CD8B2: variants seen among roughly 807,000 people sequenced by gnomAD.
The protein encoded by CD8B2 is CD8B family member 2, also known as T-cell surface glycoprotein CD8 beta-2 chain.
In CD8B2, 11 loss-of-function variants were observed where a neutral mutation model predicts 23.7. The ratio of observed to expected loss-of-function variants is 0.46; its 90% confidence interval spans 0.29 to 0.77. The LOEUF (loss-of-function observed/expected upper bound fraction) is 0.77. Among genes scored for constraint, CD8B2 ranks in the 30% least tolerant of loss-of-function variants. The probability of loss-of-function intolerance (pLI) is 0.09; values close to 1 mark genes in which losing one functional copy is unlikely to be tolerated. For missense variants in CD8B2, 197 were observed against 270.5 expected (o/e 0.73, Z 1.91); for synonymous variants, 90 against 109.3 (o/e 0.82, Z 1.10).
At chr2:106,540,045 G>A (rs542235694) in intron 5 of CD8B2, among the ~76,000 whole-genome samples, 159 of 152,214 alleles carry the variant, frequency 1.0e-3, no homozygotes, top group Middle Eastern at 3.4e-3. Context: ...AAGTTAGGGT[G>A]GATGTTATAT....
At chr2:106,534,750 A>T (rs1291365325) in intron 5 of CD8B2, among the ~76,000 whole-genome samples, 1 of 152,174 alleles carries the variant, frequency 6.6e-6, no homozygotes, top group Admixed American at 6.5e-5. Flanking sequence ...CTCCCTGGGG[A>T]GGTAGGAGCT....
chr2:106,494,339 G>A (rs1489151867), intron 2 of CD8B2, among the ~76,000 whole-genome samples: 2 of 152,042 alleles, frequency 1.3e-5, no homozygotes, highest in Admixed American at 6.6e-5. Flanking sequence ...GTAGAGACGG[G>A]GTTTTGCCAC....
downstream of CD8B2, among the ~76,000 whole-genome samples, chr2:106,512,483 G>A (rs920118957): frequency 1.5e-4 from 23 of 152,120 alleles, no homozygotes; most frequent in African/African-American, 5.6e-4. Context: ...GGGTGTGTGT[G>A]TGTGTGTACA....
At chr2:106,515,849 G>A (rs4999597), downstream of CD8B2, among the ~76,000 whole-genome samples, 149,191 of 151,560 alleles carry the variant, frequency 0.98, 73,466 homozygotes, top group East Asian at 1. Flanking sequence ...TTGAGATGGA[G>A]TCTTGCTCTG....
At chr2:106,520,667 G>A (rs1281775183) in intron 5 of CD8B2, among the ~76,000 whole-genome samples, 9 of 152,108 alleles carry the variant, frequency 5.9e-5, no homozygotes, top group South Asian at 2.1e-4. Flanking sequence ...CGAGGTGGGC[G>A]GATCACTTGA....
rs535768741 is a variant in CD8B2 at position 106,507,288 on chromosome 2, T to A, written c.*348T>A. On this transcript the variant is annotated 3_prime_UTR_variant, in exon 6 of 6. Transcript: ENST00000643224. ...GCCGTTTAGCCACCATCTTTGCAAG[T>A]TGCTTTGCCCTGGTAGGGCAGTAAC... 2.7e-5 allele frequency: 29 copies of A among 1,088,458 alleles called. No homozygotes were observed. The African/African-American group carries it at 4.3e-4, about 16-fold the overall frequency. 67.4% of individuals were successfully genotyped at this position (1,088,458 alleles called of 1,614,324 possible). A position where few individuals can be genotyped will look rare whatever the true frequency, so the allele number is the denominator to read the frequency against.
intron 5 of CD8B2, among the ~76,000 whole-genome samples, chr2:106,521,006 A>AC (rs1302827793): frequency 1.1e-4 from 17 of 148,912 alleles, no homozygotes; most frequent in African/African-American, 4.0e-4. Flanking sequence ...GCAAAAAAAA[A>AC]ATCATAATGT....
At position 106,507,664 on chromosome 2, in the gene CD8B2, A is replaced by T. The variant is rs1432972113; in HGVS notation, c.*724A>T. On this transcript the variant is annotated 3_prime_UTR_variant, in exon 6 of 6. Coordinates refer to ENST00000643224, the MANE Select transcript of CD8B2 (RefSeq NM_001349727.2). ...ATAAAGTCCCAGGTTAAAGATAACA[A>T]ACGGGTCCTGTGACATAAACGTACG... 2 of 956,638 alleles carry T rather than the reference A, an allele frequency of 2.1e-6. No homozygotes were observed. The highest frequency in any genetic ancestry group is 3.5e-5 in the African/African-American group (2 of 56,654). 59.3% of individuals were successfully genotyped at this position (956,638 alleles called of 1,614,324 possible). A position where few individuals can be genotyped will look rare whatever the true frequency, so the allele number is the denominator to read the frequency against.
In CD8B2 at chr2:106,507,414, G is replaced by A. The variant is rs1439610480; in HGVS notation, c.*474G>A. The A allele has an allele frequency of 2.0e-6, 2 of 986,206 alleles. No individual in the cohort carries two copies. Among genetic ancestry groups the A allele is most frequent in the East Asian group, 1.1e-4 (1 of 8,824 alleles). 61.1% of individuals were successfully genotyped at this position (986,206 alleles called of 1,614,324 possible). On this transcript the variant is annotated 3_prime_UTR_variant, in exon 6 of 6. Coordinates refer to ENST00000643224, the MANE Select transcript of CD8B2 (RefSeq NM_001349727.2). The stretch of plus-strand genomic sequence containing the variant: ...CTCGCAGAGAGGCCAGGTGCAGGTT[G>A]GGAATGAGGCTTGCTGAGAGGGGCT...
At chr2:106,530,462 T>A (rs1679976744) in intron 5 of CD8B2, among the ~76,000 whole-genome samples, 1 of 152,142 alleles carries the variant, frequency 6.6e-6, no homozygotes, top group African/African-American at 2.4e-5. Context: ...CACTGCAAGC[T>A]CCGCCTCCCG....
downstream of CD8B2, among the ~76,000 whole-genome samples, chr2:106,515,012 G>A (rs28438972): frequency 0.18 from 27,327 of 151,976 alleles, 2,743 homozygotes; most frequent in South Asian, 0.25. Flanking sequence ...TGGAATAATC[G>A]AGCGCTACAG....
intron 4 of CD8B2, 91 bp downstream of exon 4, chr2:106,502,654 T>C: frequency 3.0e-6 from 2 of 659,184 alleles, no homozygotes; most frequent in Non-Finnish European, 5.0e-6. Context: ...GCAGAGCAGA[T>C]GGCAGCCTGG....
chr2:106,494,950 A>C (rs1168638016), intron 2 of CD8B2, among the ~76,000 whole-genome samples: 1 of 152,190 alleles, frequency 6.6e-6, no homozygotes, highest in East Asian at 1.9e-4. Context: ...GGTACTCTAC[A>C]TGCAGAAAAG....
intron 2 of CD8B2, among the ~76,000 whole-genome samples, chr2:106,493,705 C>T (rs1679240809): frequency 6.6e-6 from 1 of 152,196 alleles, no homozygotes; most frequent in African/African-American, 2.4e-5. Flanking sequence ...AAGTGTTCAA[C>T]TTTTTGTCAG....
At chr2:106,496,681 T>C (rs1163573737) in intron 3 of CD8B2, among the ~76,000 whole-genome samples, 1 of 151,934 alleles carries the variant, frequency 6.6e-6, no homozygotes, top group Non-Finnish European at 1.5e-5. Flanking sequence ...TACTATATGA[T>C]TCCATGATTA....
chr2:106,502,705 A>G, intron 4 of CD8B2, 142 bp downstream of exon 4: 1 of 572,990 alleles, frequency 1.7e-6, no homozygotes, highest in Non-Finnish European at 3.1e-6. Context: ...TTCCGGAGGT[A>G]GTTCTTGGCC....
intron 5 of CD8B2, among the ~76,000 whole-genome samples, chr2:106,533,268 A>G (rs1007138600): frequency 1.3e-5 from 2 of 152,206 alleles, no homozygotes; most frequent in Non-Finnish European, 2.9e-5. Context: ...TTGCTCTAAC[A>G]TCATGGAGAG....
chr2:106,542,847 C>A (rs1208882195), intron 5 of CD8B2, among the ~76,000 whole-genome samples: 3 of 151,982 alleles, frequency 2.0e-5, no homozygotes. Context: ...GTGCGCCCAT[C>A]ATCCAGCCCC....
intron 1 of CD8B2, 80 bp from the exon 2 acceptor site, chr2:106,490,794 C>T (rs1679179231): frequency 6.5e-7 from 1 of 1,530,426 alleles, no homozygotes; most frequent in South Asian, 1.3e-5. Flanking sequence ...TTTCCTTTGA[C>T]ACTTGACTCA....
Sources: gnomAD v4.1 joint callset for allele counts (sites outside exome capture counted in the v4.1 genomes callset) on GRCh38, gnomAD v4.1.1 for gene constraint, MANE v1.5 for transcripts, NCBI Gene and HGNC (gene_info 2026-07-23, HGNC 2026-07-21) for gene names.